RBFA: variants seen among roughly 807,000 people sequenced by gnomAD.
The protein encoded by RBFA is putative ribosome-binding factor A, mitochondrial.
A neutral mutation model predicts 27.9 loss-of-function variants in RBFA; 16 were observed. The observed-to-expected ratio is 0.57, with a 90% confidence interval of 0.39 to 0.87. The LOEUF (loss-of-function observed/expected upper bound fraction) is 0.87, where lower values mean the gene tolerates loss of function less well. RBFA is among the 40% of genes least tolerant of loss of function. RBFA has a pLI of 0.00. For missense variants in RBFA, 456 were observed against 432.1 expected (o/e 1.06, Z -0.49); for synonymous variants, 181 against 181.0 (o/e 1.00, Z 0.00).
At chr18:80,044,188 T>A (rs1256651184) in intron 5 of RBFA, 24 bp from the exon 6 acceptor site, 1 of 1,610,472 alleles carries the variant, frequency 6.2e-7, no homozygotes, top group East Asian at 2.2e-5. Flanking sequence ...GGCTAACGGG[T>A]TTACCCTCTG....
In RBFA at chr18:80,048,941, C is replaced by CGTCT. The variant is rs34382716; in HGVS notation, c.*2788_*2791dup. Among the ~76,000 whole-genome samples the CGTCT allele has an allele frequency of 0.47, 66,149 of 141,284 alleles. 16,116 individuals are homozygous for CGTCT. Among genetic ancestry groups the CGTCT allele is most frequent in the Non-Finnish European group, 0.54 (35,079 of 64,774 alleles). The allele number at this position is 141,284 out of a possible 152,430, so 92.7% of individuals were successfully genotyped here. A position where few individuals can be genotyped will look rare whatever the true frequency, so the allele number is the denominator to read the frequency against. On this transcript the variant is annotated 3_prime_UTR_variant, in exon 7 of 7. Transcript: ENST00000306735. ...CACGTTTGCAGGGGATCCAACCAGG[C>CGTCT]GTCTGCTCAGTGCCTCCTAGAAAGT...
rs1242069658 is a variant in RBFA at position 80,049,310 on chromosome 18, C to T, written c.*3155C>T. Among the ~76,000 whole-genome samples the T allele has an allele frequency of 2.0e-5, 3 of 152,094 alleles. No homozygotes were observed. The highest frequency in any genetic ancestry group is 1.5e-5 in the Non-Finnish European group (1 of 68,018). ...GTCCACTCCTGGGGATTTCCACGGC[C>T]TTTCCTGGGAGCAGGTTAGGGACAT... On this transcript the variant is annotated 3_prime_UTR_variant, in exon 7 of 7. Coordinates refer to ENST00000306735, the MANE Select transcript of RBFA (RefSeq NM_024805.3).
rs778882443 is a variant in RBFA at position 80,037,398 on chromosome 18, T to TGC, written c.275_276dup (p.Leu93AlafsTer2). The TGC allele has an allele frequency of 1.2e-6, 2 of 1,614,152 alleles. No homozygotes were observed. Among genetic ancestry groups the TGC allele is most frequent in the Non-Finnish European group, 1.7e-6 (2 of 1,180,026 alleles). On this transcript the variant is annotated frameshift_variant, in exon 3 of 7. Coordinates refer to ENST00000306735, the MANE Select transcript of RBFA (RefSeq NM_024805.3). LOFTEE classifies it high-confidence loss of function. ...CAAAGAAAACCAGGAAGGAAGACCA[T>TGC]GCGCGCCTGAGGGCCCTGAACGGCC...
At chr18:80,037,159 A>T (rs1014208034) in intron 2 of RBFA, 171 bp from the exon 3 acceptor site, 18 of 529,500 alleles carry the variant, frequency 3.4e-5, no homozygotes, top group African/African-American at 3.2e-4. Flanking sequence ...GGTAAAATTT[A>T]AAAGGATCCC....
rs1173415193 is a variant in RBFA, at chr18:80,044,379, G to A, written c.650+94G>A. Reference sequence around the variant, plus strand: ...GAGCAGCTGCCCAGCGCCACATCCCGAGTAGCCTGCATGATCCCCATGGCA... The same window carrying A: ...GAGCAGCTGCCCAGCGCCACATCCCAAGTAGCCTGCATGATCCCCATGGCA... On this transcript the variant is annotated intron_variant, in intron 6 of 6. Transcript: ENST00000306735. 3.1e-5 allele frequency: 34 copies of A among 1,101,918 alleles called. 1 individual carries two copies. Among genetic ancestry groups the A allele is most frequent in the South Asian group, 3.0e-4 (24 of 78,794 alleles). 68.3% of individuals were successfully genotyped at this position (1,101,918 alleles called of 1,614,324 possible).
intron 4 of RBFA, 67 bp from the exon 5 acceptor site, chr18:80,042,068 G>A (rs2052020008): frequency 1.7e-6 from 2 of 1,207,006 alleles, no homozygotes; most frequent in South Asian, 2.7e-5. Flanking sequence ...CATATGTTCA[G>A]CACTGTCACG....
intron 2 of RBFA, 28 bp from the exon 3 acceptor site, chr18:80,037,302 T>C (rs2051985833): frequency 1.2e-6 from 2 of 1,607,586 alleles, no homozygotes; most frequent in African/African-American, 1.3e-5. Context: ...AACGCTGCCC[T>C]TGGGGTGTGC....
At chr18:80,041,418 A>G (rs972859184) in intron 4 of RBFA, 1 of 152,198 alleles carries the variant, frequency 6.6e-6, no homozygotes, top group Non-Finnish European at 1.5e-5. Context: ...TGTGATGTGC[A>G]TGATACAAAT....
At chr18:80,045,652 G>A (rs904509035) in intron 6 of RBFA, 122 bp from the exon 7 acceptor site, 55 of 1,176,676 alleles carry the variant, frequency 4.7e-5, no homozygotes, top group Admixed American at 6.2e-5. Flanking sequence ...TCAGATAGAC[G>A]TTTGGGAGGG....
At chr18:80,037,621 G>T in intron 3 of RBFA, 115 bp downstream of exon 3, 1 of 889,064 alleles carries the variant, frequency 1.1e-6, no homozygotes, top group Non-Finnish European at 1.7e-6. Flanking sequence ...TGGGCGCGGT[G>T]GCTCACGCCT....
In RBFA at chr18:80,046,276, T is replaced by C. The variant is rs147592293; in HGVS notation, c.*121T>C. The stretch of plus-strand genomic sequence containing the variant: ...TCTGCTCTTCTGCTACTTCAACATT[T>C]TCTAGCTTTTCCGTGTATCTAAACA... On this transcript the variant is annotated 3_prime_UTR_variant, in exon 7 of 7. Transcript: ENST00000306735. The C allele has an allele frequency of 2.6e-6, 3 of 1,161,626 alleles. No homozygotes were observed. Among genetic ancestry groups the C allele is most frequent in the Non-Finnish European group, 3.6e-6 (3 of 835,702 alleles). 72.0% of individuals were successfully genotyped at this position (1,161,626 alleles called of 1,614,324 possible).
intron 4 of RBFA, among the ~76,000 whole-genome samples, chr18:80,039,497 G>C (rs2052002980): frequency 6.6e-6 from 1 of 152,180 alleles, no homozygotes; most frequent in Admixed American, 6.5e-5. Context: ...AGACTGTTTA[G>C]GTTTGGGTGT....
chr18:80,046,365 G>A lies in RBFA; in HGVS notation c.*210G>A, dbSNP rs1568390658. The A allele has an allele frequency of 6.8e-6, 4 of 587,198 alleles. No homozygotes were observed. The East Asian group carries it at 1.2e-4, about 18-fold the overall frequency. The allele number at this position is 587,198 out of a possible 1,614,324, so 36.4% of individuals were successfully genotyped here. A position where few individuals can be genotyped will look rare whatever the true frequency, so the allele number is the denominator to read the frequency against. On this transcript the variant is annotated 3_prime_UTR_variant, in exon 7 of 7. Transcript: ENST00000306735. ...CTGTGTGTAATTTAAAAATTAAATG[G>A]CCATCTTATCACAGATTCTCACAAA...
At position 80,042,222 on chromosome 18, in the gene RBFA, A is replaced by G; in HGVS notation, c.576+3A>G. On this transcript the variant is annotated splice_donor_region_variant and intron_variant, in intron 5 of 6. Transcript: ENST00000306735. The stretch of plus-strand genomic sequence containing the variant: ...AGGGAAATGCAGCTCTAGCTGAGGT[A>G]AGGTTTTCAAAAAAACTTTTTAAAA... 1 of 1,571,042 alleles carries G rather than the reference A, an allele frequency of 6.4e-7. No individual in the cohort carries two copies. Among genetic ancestry groups the G allele is most frequent in the Non-Finnish European group, 8.6e-7 (1 of 1,163,464 alleles).
chr18:80,046,033 G>T lies in RBFA; in HGVS notation c.910G>T (p.Asp304Tyr), dbSNP rs1283958533. 1.2e-6 allele frequency: 2 copies of T among 1,614,010 alleles called. No individual in the cohort carries two copies. Among genetic ancestry groups the T allele is most frequent in the Admixed American group, 3.3e-5 (2 of 60,002 alleles). The change falls in exon 7 of 7, where the codon GAC becomes TAC. Residue 304 changes from aspartate to tyrosine, a missense_variant. Asp to Tyr is a radical substitution (Grantham distance 160, BLOSUM62 -3). Coordinates refer to ENST00000306735, the MANE Select transcript of RBFA (RefSeq NM_024805.3). The part of the protein sequence containing the change: ...SYLSGEEVED[D>Y]LDLVGAPEYE... ...CCTGTCAGGCGAGGAGGTTGAAGAT[G>T]ACCTGGACCTGGTTGGTGCCCCGGA...
intron 5 of RBFA, among the ~76,000 whole-genome samples, chr18:80,042,937 TAACTAGGGTATGAACTC>T (rs2052026334): frequency 1.3e-5 from 2 of 152,190 alleles, no homozygotes; most frequent in South Asian, 4.1e-4. Context: ...ACTGTAGCTC[TAACTAGGGTATGAACTC>T]AACACGGCCA....
At chr18:80,037,000 T>C (rs2051983836) in intron 2 of RBFA, among the ~76,000 whole-genome samples, 1 of 152,258 alleles carries the variant, frequency 6.6e-6, no homozygotes, top group Non-Finnish European at 1.5e-5. Flanking sequence ...TGGCTCCCAT[T>C]CTGAAAAATA....
intron 1 of RBFA, chr18:80,034,920 C>T (rs2051965937): frequency 4.8e-6 from 2 of 418,660 alleles, no homozygotes; most frequent in East Asian, 4.5e-5. Flanking sequence ...AGATTAGTTT[C>T]AGAAAATGAG....
chr18:80,038,666 A>G, intron 4 of RBFA, 49 bp downstream of exon 4: 2 of 1,370,216 alleles, frequency 1.5e-6, no homozygotes, highest in Non-Finnish European at 2.0e-6. Context: ...TCATACCCTA[A>G]ATTTCTCAGC....
Sources: allele counts gnomAD v4.1 joint callset (sites outside exome capture counted in the v4.1 genomes callset), GRCh38; gene constraint gnomAD v4.1.1; transcripts MANE v1.5; gene names NCBI Gene and HGNC (gene_info 2026-07-23, HGNC 2026-07-21).